The following SHTN1 variants were observed in gnomAD, a reference collection of about 807,000 sequenced individuals.
The protein encoded by SHTN1 is shootin-1.
Under a neutral mutation model 83.1 loss-of-function variants are expected in SHTN1, and 42 were observed. The ratio of observed to expected loss-of-function variants is 0.51; its 90% CI spans 0.39 to 0.65. The LOEUF (loss-of-function observed/expected upper bound fraction) is 0.65. Among genes scored for constraint, SHTN1 ranks in the 30% least tolerant of loss-of-function variants. SHTN1 has a pLI of 0.00. For missense variants in SHTN1, 622 were observed against 737.8 expected (o/e 0.84, Z 1.82); for synonymous variants, 224 against 247.7 (o/e 0.90, Z 0.90).
intron 1 of SHTN1, among the ~76,000 whole-genome samples, chr10:116,990,091 T>TA (rs1298003674): frequency 6.6e-6 from 1 of 152,046 alleles, no homozygotes; most frequent in Non-Finnish European, 1.5e-5. Context: ...GAGGGGAAGG[T>TA]AAAAATTTTT....
At chr10:116,913,245 A>C (rs1374765720) in intron 13 of SHTN1, among the ~76,000 whole-genome samples, 1 of 152,260 alleles carries the variant, frequency 6.6e-6, no homozygotes, top group African/African-American at 2.4e-5. Flanking sequence ...TGACTGCACA[A>C]GCCTTTTGAA....
intron 15 of SHTN1, among the ~76,000 whole-genome samples, chr10:116,906,161 T>G (rs2133335385): frequency 6.6e-6 from 1 of 152,404 alleles, no homozygotes; most frequent in East Asian, 1.9e-4. Context: ...CTTACTGACT[T>G]AATCTTTAGA....
chr10:116,970,739 G>A (rs1057390541), intron 2 of SHTN1, among the ~76,000 whole-genome samples: 3 of 149,806 alleles, frequency 2.0e-5, no homozygotes, highest in African/African-American at 7.3e-5. Context: ...AAACCATCAT[G>A]TTAAATGAGT....
At chr10:116,960,528 T>C (rs1412370405) in intron 3 of SHTN1, among the ~76,000 whole-genome samples, 2 of 152,238 alleles carry the variant, frequency 1.3e-5, no homozygotes, top group African/African-American at 4.8e-5. Flanking sequence ...CAACTATATA[T>C]GTATCCATAG....
intron 1 of SHTN1, among the ~76,000 whole-genome samples, chr10:117,086,877 T>C (rs1035652885): frequency 2.6e-5 from 4 of 152,148 alleles, no homozygotes; most frequent in Non-Finnish European, 5.9e-5. Flanking sequence ...TATGAGTGGA[T>C]AAACAAAATG....
chr10:117,062,050 G>C (rs904603518), intron 1 of SHTN1, among the ~76,000 whole-genome samples: 2 of 152,106 alleles, frequency 1.3e-5, no homozygotes, highest in African/African-American at 4.8e-5. Context: ...TTCTGCTAAG[G>C]AATTTCAGCT....
intron 11 of SHTN1, among the ~76,000 whole-genome samples, chr10:116,927,001 T>C (rs1027162251): frequency 3.9e-5 from 6 of 152,220 alleles, no homozygotes; most frequent in Admixed American, 3.9e-4. Context: ...GCCACAAGAA[T>C]TTAAACATAA....
At chr10:117,053,385 A>G (rs1329411824) in intron 1 of SHTN1, among the ~76,000 whole-genome samples, 1 of 152,180 alleles carries the variant, frequency 6.6e-6, no homozygotes, top group African/African-American at 2.4e-5. Context: ...TCTAATAACT[A>G]GAATATATAA....
chr10:117,112,982 A>G (rs558708064), intron 1 of SHTN1, among the ~76,000 whole-genome samples: 11 of 152,198 alleles, frequency 7.2e-5, no homozygotes, highest in Admixed American at 5.9e-4. Context: ...TCATTCAAAT[A>G]AAGAGGTGAC....
chr10:116,954,481 G>A (rs2133427778), intron 4 of SHTN1, among the ~76,000 whole-genome samples: 1 of 152,270 alleles, frequency 6.6e-6, no homozygotes, highest in African/African-American at 2.4e-5. Context: ...CACCAGTACA[G>A]ATTAAATAAA....
intron 1 of SHTN1, among the ~76,000 whole-genome samples, chr10:117,057,045 G>A (rs1344224109): frequency 6.6e-6 from 1 of 151,936 alleles, no homozygotes; most frequent in Non-Finnish European, 1.5e-5. Flanking sequence ...AATAGTAAAA[G>A]GCATACCAAT....
At chr10:116,932,363 C>G (rs777811790) in intron 9 of SHTN1, among the ~76,000 whole-genome samples, 1 of 152,168 alleles carries the variant, frequency 6.6e-6, no homozygotes, top group Non-Finnish European at 1.5e-5. Flanking sequence ...ACCGCGAACC[C>G]TATTGTGAAC....
intron 1 of SHTN1, among the ~76,000 whole-genome samples, chr10:116,981,120 A>T (rs150998307): frequency 0.055 from 8,298 of 152,176 alleles, 745 homozygotes; most frequent in African/African-American, 0.18. Flanking sequence ...GGAGTTCAAG[A>T]CCAGCCTGGC....
At chr10:116,890,018 A>G (rs1048103374) in intron 16 of SHTN1, among the ~76,000 whole-genome samples, 7 of 152,124 alleles carry the variant, frequency 4.6e-5, no homozygotes, top group African/African-American at 1.7e-4. Flanking sequence ...CGCATCAGTG[A>G]TGGTGCCAAG....
chr10:117,041,171 C>G (rs905758455), intron 2 of SHTN1, among the ~76,000 whole-genome samples: 1 of 151,932 alleles, frequency 6.6e-6, no homozygotes, highest in Non-Finnish European at 1.5e-5. Flanking sequence ...GCTCACACAC[C>G]TCTTGAGGAC....
In SHTN1 at chr10:116,945,063, C is replaced by A. The variant is rs1183884091; in HGVS notation, c.617-45G>T. ...AAAAAAACCCAGACAATAAGTCACACAAATAATCAGGAATATGGATGAAAA... is the reference window on the plus strand; with the variant it reads ...AAAAAAACCCAGACAATAAGTCACAAAAATAATCAGGAATATGGATGAAAA... On this transcript the variant is annotated intron_variant, in intron 7 of 16. Transcript: ENST00000355371. The A allele has an allele frequency of 9.6e-6, 11 of 1,150,270 alleles. No homozygotes were observed. In the East Asian group the frequency reaches 2.6e-4, roughly 27 times the overall value. 71.3% of individuals were successfully genotyped at this position (1,150,270 alleles called of 1,614,324 possible).
At chr10:117,083,778 C>T (rs1192738801) in intron 1 of SHTN1, among the ~76,000 whole-genome samples, 1 of 152,114 alleles carries the variant, frequency 6.6e-6, no homozygotes, top group African/African-American at 2.4e-5. Flanking sequence ...CGCTTCATTT[C>T]ATTCATTTCA....
chr10:117,000,336 C>T (rs779472829), intron 1 of SHTN1, among the ~76,000 whole-genome samples: 5 of 152,148 alleles, frequency 3.3e-5, no homozygotes, highest in Non-Finnish European at 5.9e-5. Flanking sequence ...CAATGGAATA[C>T]TGGATGCATC....
chr10:116,906,496 T>A (rs1847976696), intron 15 of SHTN1, 131 bp downstream of exon 15: 2 of 851,410 alleles, frequency 2.3e-6, no homozygotes, highest in Admixed American at 3.4e-5. Context: ...ACCCATCCCA[T>A]ACTTCTCACT....
Sources: allele counts gnomAD v4.1 joint callset (sites outside exome capture counted in the v4.1 genomes callset), GRCh38; gene constraint gnomAD v4.1.1; transcripts MANE v1.5; gene names NCBI Gene and HGNC (gene_info 2026-07-23, HGNC 2026-07-21).